Variants in CTNNA3 observed in about 807,000 individuals in gnomAD.
The protein encoded by CTNNA3 is catenin alpha 3.
In CTNNA3, 76 loss-of-function variants were observed where a neutral mutation model predicts 95.7. The ratio of observed to expected loss-of-function variants is 0.79; its 90% CI spans 0.66 to 0.96. The LOEUF (loss-of-function observed/expected upper bound fraction) is 0.96. Ranked by LOEUF, CTNNA3 falls within the 40% of genes least tolerant of loss-of-function variation. The probability of loss-of-function intolerance (pLI) is 0.00; values close to 1 mark genes in which losing one functional copy is unlikely to be tolerated. For missense variants in CTNNA3, 1,191 were observed against 1,089.8 expected (o/e 1.09, Z -1.31); for synonymous variants, 431 against 374.4 (o/e 1.15, Z -1.74).
At position 67,083,785 on chromosome 10, in the gene CTNNA3, T is replaced by C. The variant is rs568500543; in HGVS notation, c.1047+96532A>G. ...ATTCAAAATACATTAGTTCTCCCCA[T>C]AGACATTGGGATGGTTCCCATTACA... On this transcript the variant is annotated intron_variant, in intron 7 of 17. Transcript: ENST00000433211. Among the ~76,000 whole-genome samples the C allele has an allele frequency of 3.3e-5, 5 of 152,274 alleles. No individual in the cohort carries two copies. In the South Asian group the frequency reaches 6.2e-4, roughly 19 times the overall value.
intron 11 of CTNNA3, among the ~76,000 whole-genome samples, chr10:66,422,738 A>T (rs56227625): frequency 0.26 from 40,150 of 151,762 alleles, 5,464 homozygotes; most frequent in South Asian, 0.39. Flanking sequence ...ATTTTGAGAA[A>T]GATGATTTTT....
intron 7 of CTNNA3, among the ~76,000 whole-genome samples, chr10:66,898,578 A>G (rs1845596649): frequency 6.6e-6 from 1 of 152,190 alleles, no homozygotes; most frequent in Admixed American, 6.6e-5. Flanking sequence ...GTGCCAAAAA[A>G]TACACAATGA....
intron 11 of CTNNA3, among the ~76,000 whole-genome samples, chr10:66,492,878 AAT>A (rs1839972061): frequency 6.6e-6 from 1 of 152,128 alleles, no homozygotes; most frequent in Non-Finnish European, 1.5e-5. Flanking sequence ...GAAGAAACAA[AAT>A]AGGAGTTGAA....
chr10:67,359,001 C>T (rs1215240105), intron 5 of CTNNA3, among the ~76,000 whole-genome samples: 3 of 152,012 alleles, frequency 2.0e-5, no homozygotes, highest in African/African-American at 7.2e-5. Context: ...CTAGCCCTTA[C>T]TCTTAAGCAC....
intron 9 of CTNNA3, among the ~76,000 whole-genome samples, chr10:66,683,497 G>A (rs184060586): frequency 2.0e-5 from 3 of 152,082 alleles, no homozygotes; most frequent in Admixed American, 6.6e-5. Flanking sequence ...GGGAACAGTG[G>A]GCCAGCATGT....
intron 10 of CTNNA3, among the ~76,000 whole-genome samples, chr10:66,555,418 AG>A (rs1305057136): frequency 6.6e-6 from 1 of 152,144 alleles, no homozygotes; most frequent in Non-Finnish European, 1.5e-5. Flanking sequence ...AATAAGTGTA[AG>A]TATGAGAATG....
chr10:66,078,630 T>C (rs1353087682), intron 14 of CTNNA3, among the ~76,000 whole-genome samples: 1 of 151,864 alleles, frequency 6.6e-6, no homozygotes, highest in Non-Finnish European at 1.5e-5. Flanking sequence ...AAACTATAAC[T>C]AAGCCATATC....
chr10:65,975,233 C>A (rs76779078), intron 16 of CTNNA3, among the ~76,000 whole-genome samples: 2 of 152,028 alleles, frequency 1.3e-5, no homozygotes, highest in Non-Finnish European at 2.9e-5. Flanking sequence ...TACAGGATAG[C>A]CAGACAGAGA....
intron 12 of CTNNA3, among the ~76,000 whole-genome samples, chr10:66,284,975 T>C (rs1002626539): frequency 2.8e-4 from 42 of 152,034 alleles, no homozygotes; most frequent in African/African-American, 1.0e-3. Context: ...GGTTCATATA[T>C]ATTTAATATT....
intron 2 of CTNNA3, among the ~76,000 whole-genome samples, chr10:67,628,120 T>C (rs1036550282): frequency 1.3e-5 from 2 of 151,552 alleles, no homozygotes; most frequent in African/African-American, 2.4e-5. Context: ...TTACTATTTG[T>C]TTTTAAACTG....
At chr10:66,887,267 T>C (rs1442908780) in intron 7 of CTNNA3, among the ~76,000 whole-genome samples, 1 of 152,124 alleles carries the variant, frequency 6.6e-6, no homozygotes, top group African/African-American at 2.4e-5. Flanking sequence ...AACTCAGCAA[T>C]ATACACTTTA....
Position 66,434,245 on chromosome 10 carries a change from T to C in CTNNA3, c.1532-54893A>G, listed in dbSNP as rs2131759870. On this transcript the variant is annotated intron_variant, in intron 11 of 17. Transcript: ENST00000433211. ...TAAATTACCCTGGGCAGTATGGCCA[T>C]TTTCAAGATATTGATTCTTCCTATC... Among the ~76,000 whole-genome samples, 4 of 152,282 alleles carry C rather than the reference T, an allele frequency of 2.6e-5. No individual in the cohort carries two copies. The Middle Eastern group carries it at 0.014, about 518-fold the overall frequency.
chr10:66,443,459 C>T (rs776879321), intron 11 of CTNNA3, among the ~76,000 whole-genome samples: 2 of 152,096 alleles, frequency 1.3e-5, no homozygotes, highest in African/African-American at 2.4e-5. Context: ...TGGGACAAAG[C>T]TTCCAGAGGA....
intron 5 of CTNNA3, among the ~76,000 whole-genome samples, chr10:67,253,592 G>C (rs925955489): frequency 2.0e-5 from 3 of 152,080 alleles, no homozygotes; most frequent in African/African-American, 7.2e-5. Context: ...TCAAGTCCTG[G>C]GAATGGCATA....
chr10:66,637,131 A>G (rs1424451232), intron 9 of CTNNA3, among the ~76,000 whole-genome samples: 1 of 152,200 alleles, frequency 6.6e-6, no homozygotes. Flanking sequence ...CCAGTAACAG[A>G]AGATTTTTGG....
intron 7 of CTNNA3, among the ~76,000 whole-genome samples, chr10:66,889,582 T>C (rs1193940583): frequency 6.6e-6 from 1 of 151,820 alleles, no homozygotes; most frequent in Non-Finnish European, 1.5e-5. Flanking sequence ...GGCTCCTAAG[T>C]GGATTGTATG....
intron 11 of CTNNA3, among the ~76,000 whole-genome samples, chr10:66,505,907 T>C (rs1480122912): frequency 6.6e-6 from 1 of 152,136 alleles, no homozygotes; most frequent in Non-Finnish European, 1.5e-5. Flanking sequence ...TGTGTTGCTA[T>C]AAAGGAATAT....
chr10:66,204,504 C>G (rs1254361204), intron 13 of CTNNA3, among the ~76,000 whole-genome samples: 1 of 152,166 alleles, frequency 6.6e-6, no homozygotes, highest in East Asian at 1.9e-4. Context: ...GATAAACCTT[C>G]TAAAGTTTTG....
chr10:67,358,805 C>A (rs1842904835), intron 5 of CTNNA3, among the ~76,000 whole-genome samples: 1 of 152,034 alleles, frequency 6.6e-6, no homozygotes, highest in Non-Finnish European at 1.5e-5. Context: ...CCACCAGGGA[C>A]CCCCTTGGGG....
Sources: allele counts gnomAD v4.1 joint callset (sites outside exome capture counted in the v4.1 genomes callset), GRCh38; gene constraint gnomAD v4.1.1; transcripts MANE v1.5; gene names NCBI Gene and HGNC (gene_info 2026-07-23, HGNC 2026-07-21).